Variants in IDH1 observed in about 807,000 individuals in gnomAD.
IDH1 encodes the protein isocitrate dehydrogenase (NADP(+)) 1, also known as isocitrate dehydrogenase [NADP] cytoplasmic.
A neutral mutation model predicts 46.1 loss-of-function variants in IDH1; 33 were observed. That is an observed-to-expected ratio of 0.72 (90% CI 0.54 to 0.96). IDH1 has a LOEUF of 0.96. IDH1 is among the 40% of genes least tolerant of loss of function. The pLI, the probability that IDH1 is intolerant of heterozygous loss-of-function variation, is 0.00. For missense variants in IDH1, 421 were observed against 515.7 expected, an observed-to-expected ratio of 0.82 and a Z score of 1.78; for synonymous variants, 144 against 172.8, an observed-to-expected ratio of 0.83 and a Z score of 1.31.
intron 4 of IDH1, among the ~76,000 whole-genome samples, chr2:208,247,045 T>C (rs1688037082): frequency 6.6e-6 from 1 of 152,220 alleles, no homozygotes. Context: ...ACCACTGCCA[T>C]CTACCTTCCC....
rs1197487126 is a variant in IDH1, at chr2:208,248,371, G to C, written c.412C>G (p.Gln138Glu). ...ACATTATTGCCAACATGACTTACTTGATCCCCATAAGCATGACGACCTATG... is the reference window on the plus strand; with the variant it reads ...ACATTATTGCCAACATGACTTACTTCATCCCCATAAGCATGACGACCTATG... ...IIIGRHAYGD[Q>E]YRATDFVVPG... Residue 138 changes from glutamine to glutamate, a missense_variant and splice_region_variant, in exon 4 of 10, where the codon CAA becomes GAA. Transcript: ENST00000345146. 6.2e-7 allele frequency: 1 copy of C among 1,611,714 alleles called. No homozygotes were observed. Among genetic ancestry groups the C allele is most frequent in the Non-Finnish European group, 8.5e-7 (1 of 1,179,202 alleles).
Position 208,239,042 on chromosome 2 carries a change from C to T in IDH1, c.1154+29G>A, listed in dbSNP as rs1395046807. On this transcript the variant is annotated intron_variant, in intron 9 of 9. Coordinates refer to ENST00000345146, the MANE Select transcript of IDH1 (RefSeq NM_005896.4). Reference sequence around the variant, plus strand: ...CCAGTGAGGATAAGTGTTAATTTGACCATAGAAACTAGGGCATCTTATACT... The same window carrying T: ...CCAGTGAGGATAAGTGTTAATTTGATCATAGAAACTAGGGCATCTTATACT... The T allele has an allele frequency of 1.9e-6, 3 of 1,601,368 alleles. No homozygotes were observed. The African/African-American group carries it at 4.0e-5, about 21-fold the overall frequency.
intron 7 of IDH1, among the ~76,000 whole-genome samples, chr2:208,240,920 C>G (rs927267163): frequency 6.6e-6 from 1 of 152,138 alleles, no homozygotes; most frequent in African/African-American, 2.4e-5. Context: ...CCAGGTTGAT[C>G]TACTGATTTT....
rs16840801 is a variant in IDH1, at chr2:208,246,295, C to T, written c.415-871G>A. ...TTGTATCTTCTTCAATGAATTGAAT[C>T]AGATACTTGCAGAGTTAGGTACCAG... On this transcript the variant is annotated intron_variant, in intron 4 of 9. Coordinates refer to ENST00000345146, the MANE Select transcript of IDH1 (RefSeq NM_005896.4). Among the ~76,000 whole-genome samples the T allele has an allele frequency of 7.0e-4, 106 of 152,288 alleles. 2 individuals are homozygous for T. In the East Asian group the frequency reaches 0.02, roughly 29 times the overall value.
chr2:208,240,036 A>C, intron 7 of IDH1, 33 bp from the exon 8 acceptor site: 1 of 1,613,262 alleles, frequency 6.2e-7, no homozygotes, highest in South Asian at 1.1e-5. Context: ...CGTTGGGTCC[A>C]ACTGCATGAA....
At chr2:208,254,662 C>A (rs1688182370) in intron 1 of IDH1, among the ~76,000 whole-genome samples, 1 of 152,202 alleles carries the variant, frequency 6.6e-6, no homozygotes, top group Admixed American at 6.5e-5. Context: ...ACCTGATTTT[C>A]CCCTTGTCGT....
At chr2:208,238,160 C>A (rs754251843) in intron 9 of IDH1, among the ~76,000 whole-genome samples, 2 of 151,496 alleles carry the variant, frequency 1.3e-5, no homozygotes, top group East Asian at 2.0e-4. Flanking sequence ...CTCAGCCTCC[C>A]GAGTAGCTGG....
chr2:208,251,314 T>C, intron 3 of IDH1, 116 bp downstream of exon 3: 3 of 1,046,836 alleles, frequency 2.9e-6, no homozygotes, highest in Admixed American at 1.9e-5. Context: ...GAATTCCTGG[T>C]CTTGAGGGAT....
chr2:208,246,001 T>C (rs1250552384), intron 4 of IDH1, among the ~76,000 whole-genome samples: 1 of 152,192 alleles, frequency 6.6e-6, no homozygotes, highest in African/African-American at 2.4e-5. Flanking sequence ...AACTATGATA[T>C]AGTAGAAATA....
chr2:208,248,631 G>C lies in IDH1; in HGVS notation c.152C>G (p.Ala51Gly), dbSNP rs1390836979. 1.5e-5 allele frequency: 25 copies of C among 1,614,022 alleles called. No homozygotes were observed. Among genetic ancestry groups the C allele is most frequent in the Non-Finnish European group, 2.1e-5 (25 of 1,180,022 alleles). ...ATCCTTGGTGACTTGGTCGTTGGTG[G>C]CATCACGATTCTCTATGCCTAAATC... ...SYDLGIENRD[A>G]TNDQVTKDAA... The change falls in exon 4 of 10, where the codon GCC (alanine) becomes GGC (glycine). Residue 51 changes from alanine (A) to glycine (G), a missense_variant. Physicochemically the swap from Ala to Gly is moderately conservative, Grantham distance 60. Transcript: ENST00000345146.
At position 208,248,489 on chromosome 2, in the gene IDH1, G is replaced by C. The variant is rs147684527; in HGVS notation, c.294C>G (p.Thr98=). Residue 98 remains threonine, a synonymous_variant, in exon 4 of 10, where the codon ACC becomes ACG. Transcript: ENST00000345146. ...LKQMWKSPNG[T]IRNILGGTVF... Reference sequence around the variant, plus strand: ...CCGTGCCACCCAGAATATTTCGTATGGTGCCATTTGGTGATTTCCACATTT... The same window carrying C: ...CCGTGCCACCCAGAATATTTCGTATCGTGCCATTTGGTGATTTCCACATTT... The C allele has an allele frequency of 6.2e-7, 1 of 1,614,084 alleles. No homozygotes were observed. Among genetic ancestry groups the C allele is most frequent in the Non-Finnish European group, 8.5e-7 (1 of 1,180,000 alleles).
intron 8 of IDH1, among the ~76,000 whole-genome samples, chr2:208,239,517 CT>C: frequency 6.6e-6 from 1 of 152,188 alleles, no homozygotes; most frequent in Non-Finnish European, 1.5e-5. Context: ...TATTGGTCTC[CT>C]TTTTCCAGGC....
intron 3 of IDH1, 148 bp downstream of exon 3, chr2:208,251,282 C>T (rs1688118506): frequency 3.2e-6 from 2 of 629,700 alleles, no homozygotes; most frequent in Admixed American, 5.8e-5. Context: ...TGGGGTCTCA[C>T]TCTGTTGCCC....
Position 208,245,791 on chromosome 2 carries a change from A to ACCC in IDH1, c.415-368_415-367insGGG, listed in dbSNP as rs1559361378. 4.6e-3 allele frequency among the ~76,000 whole-genome samples: 526 copies of ACCC among 114,938 alleles called. 8 individuals carry two copies. The highest frequency in any genetic ancestry group is 9.0e-3 in the African/African-American group (245 of 27,312). The allele number at this position is 114,938 out of a possible 152,430, so 75.4% of individuals were successfully genotyped here. A position where few individuals can be genotyped will look rare whatever the true frequency, so the allele number is the denominator to read the frequency against. On this transcript the variant is annotated intron_variant, in intron 4 of 9. Transcript: ENST00000345146. ...AAGAGGGTATTAGACCCCCCCCCCA[A>ACCC]AAAAAAAAAAACTATAGGATGACAG...
intron 8 of IDH1, 129 bp from the exon 9 acceptor site, chr2:208,239,362 T>C (rs920255363): frequency 1.1e-6 from 1 of 898,750 alleles, no homozygotes; most frequent in African/African-American, 1.7e-5. Context: ...ACTAACCACA[T>C]GGGCTAGAAG....
chr2:208,242,054 C>A lies in IDH1; in HGVS notation c.790G>T (p.Gly264Cys), dbSNP rs1031894546. The change falls in exon 7 of 10, where the codon GGC (glycine) becomes TGC (cysteine). Residue 264 changes from glycine (G) to cysteine (C), a missense_variant. Physicochemically the swap from Gly to Cys is radical, Grantham distance 159. Coordinates refer to ENST00000345146, the MANE Select transcript of IDH1 (RefSeq NM_005896.4). ...MVAQAMKSEG[G>C]FIWACKNYDG... ...TAGTTTTTACAGGCCCAGATGAAGC[C>A]TCCCTCTGATTTCATAGCTTGGGCC... 6.2e-7 allele frequency: 1 copy of A among 1,613,362 alleles called. No individual in the cohort carries two copies. Among genetic ancestry groups the A allele is most frequent in the African/African-American group, 1.3e-5 (1 of 75,014 alleles).
chr2:208,246,352 A>G (rs1343906218), intron 4 of IDH1, among the ~76,000 whole-genome samples: 1 of 152,170 alleles, frequency 6.6e-6, no homozygotes, highest in Non-Finnish European at 1.5e-5. Context: ...AGTGTAGAGA[A>G]ATACTAATAA....
At position 208,242,015 on chromosome 2, in the gene IDH1, GCACGT is replaced by G. The variant is rs1203737070; in HGVS notation, c.824_828del (p.Asp275AlafsTer71). 1 of 1,612,398 alleles carries G rather than the reference GCACGT, an allele frequency of 6.2e-7. No individual in the cohort carries two copies. The highest frequency in any genetic ancestry group is 2.2e-5 in the East Asian group (1 of 44,868). The stretch of plus-strand genomic sequence containing the variant: ...GTACCTTGGGCCACAGAGTCCGACT[GCACGT>G]CACCATCATAGTTTTTACAGGCCCA... On this transcript the variant is annotated frameshift_variant, in exon 7 of 10. Transcript: ENST00000345146. LOFTEE classifies it high-confidence loss of function.
chr2:208,252,222 A>T (rs1009780643), intron 2 of IDH1, among the ~76,000 whole-genome samples: 1 of 152,240 alleles, frequency 6.6e-6, no homozygotes, highest in East Asian at 1.9e-4. Flanking sequence ...TAACACAGAC[A>T]TTGGAGATGT....
Sources: gnomAD v4.1 joint callset for allele counts (sites outside exome capture counted in the v4.1 genomes callset) on GRCh38, gnomAD v4.1.1 for gene constraint, MANE v1.5 for transcripts, NCBI Gene and HGNC (gene_info 2026-07-23, HGNC 2026-07-21) for gene names.